Variants in WDPCP observed in about 807,000 individuals in gnomAD.
The protein encoded by WDPCP is WD repeat-containing and planar cell polarity effector protein fritz homolog.
Under a neutral mutation model 93.1 loss-of-function variants are expected in WDPCP, and 71 were observed. The observed-to-expected ratio is 0.76, with a 90% CI of 0.63 to 0.93. The LOEUF (loss-of-function observed/expected upper bound fraction) is 0.93, where lower values mean the gene tolerates loss of function less well. Among genes scored for constraint, WDPCP ranks in the 40% least tolerant of loss-of-function variants. WDPCP has a pLI of 0.00. For synonymous variants in WDPCP, 315 were observed against 315.0 expected, an observed-to-expected ratio of 1.00 and a Z score of 0.00; for missense variants, 844 against 887.4, an observed-to-expected ratio of 0.95 and a Z score of 0.62.
At chr2:63,685,720 G>C (rs1349464958) in intron 2 of WDPCP, among the ~76,000 whole-genome samples, 1 of 152,086 alleles carries the variant, frequency 6.6e-6, no homozygotes, top group Non-Finnish European at 1.5e-5. Flanking sequence ...ATACTAGCAA[G>C]CCAAATTCAA....
chr2:63,183,431 T>C (rs887947605), intron 14 of WDPCP, among the ~76,000 whole-genome samples: 3 of 152,158 alleles, frequency 2.0e-5, no homozygotes, highest in Admixed American at 6.5e-5. Flanking sequence ...TGTATTTGTA[T>C]AGTTTCAACA....
intron 2 of WDPCP, among the ~76,000 whole-genome samples, chr2:63,736,646 G>T (rs980259385): frequency 2.0e-5 from 3 of 152,166 alleles, no homozygotes; most frequent in South Asian, 2.1e-4. Context: ...GGCAGGAAAG[G>T]AGTGGCTATC....
chr2:63,246,329 G>A (rs939612275), intron 14 of WDPCP, among the ~76,000 whole-genome samples: 3 of 152,110 alleles, frequency 2.0e-5, no homozygotes, highest in African/African-American at 7.2e-5. Flanking sequence ...TGTGCTCACT[G>A]CAGGGAAGCT....
At chr2:63,249,534 A>G (rs560655693) in intron 14 of WDPCP, among the ~76,000 whole-genome samples, 1 of 152,316 alleles carries the variant, frequency 6.6e-6, no homozygotes, top group East Asian at 1.9e-4. Context: ...ATAACCCCTC[A>G]TGAGAATGCT....
At chr2:63,723,629 G>C (rs1669459330) in intron 2 of WDPCP, among the ~76,000 whole-genome samples, 1 of 152,004 alleles carries the variant, frequency 6.6e-6, no homozygotes, top group East Asian at 1.9e-4. Context: ...ATTAATGTCA[G>C]TTTGGACAGT....
At chr2:63,385,346 C>T (rs2104942905) in intron 10 of WDPCP, among the ~76,000 whole-genome samples, 1 of 152,212 alleles carries the variant, frequency 6.6e-6, no homozygotes, top group Admixed American at 6.5e-5. Context: ...TGATGTAACA[C>T]TTCTAAATCC....
intron 6 of WDPCP, among the ~76,000 whole-genome samples, chr2:63,474,889 G>A (rs1699885016): frequency 6.6e-6 from 1 of 152,142 alleles, no homozygotes; most frequent in African/African-American, 2.4e-5. Flanking sequence ...TGTCTGCACA[G>A]TAAAAAGATA....
intron 12 of WDPCP, among the ~76,000 whole-genome samples, chr2:63,374,446 A>G (rs990100813): frequency 3.9e-5 from 6 of 152,140 alleles, no homozygotes; most frequent in Non-Finnish European, 8.8e-5. Context: ...AAATCATTCT[A>G]TCTTGTTGCC....
At chr2:63,389,236 GC>G (rs1205309787) in intron 10 of WDPCP, among the ~76,000 whole-genome samples, 1 of 152,124 alleles carries the variant, frequency 6.6e-6, no homozygotes, top group African/African-American at 2.4e-5. Context: ...GAGGGTGGGG[GC>G]AAATATTCAA....
chr2:63,387,053 C>T (rs1459720709), intron 10 of WDPCP, among the ~76,000 whole-genome samples: 1 of 151,930 alleles, frequency 6.6e-6, no homozygotes, highest in Non-Finnish European at 1.5e-5. Flanking sequence ...AATTCTACCA[C>T]GTGTATAAAG....
intron 2 of WDPCP, among the ~76,000 whole-genome samples, chr2:63,796,045 C>T (rs915312028): frequency 4.6e-5 from 7 of 152,236 alleles, no homozygotes; most frequent in African/African-American, 9.6e-5. Context: ...AGCAATGAGA[C>T]GTGAGAAGGC....
At chr2:63,155,250 A>G (rs1027626426) in intron 15 of WDPCP, among the ~76,000 whole-genome samples, 2 of 152,170 alleles carry the variant, frequency 1.3e-5, no homozygotes, top group Non-Finnish European at 2.9e-5. Context: ...AAAGTTTGAT[A>G]GTTTTACATT....
intron 6 of WDPCP, among the ~76,000 whole-genome samples, chr2:63,479,750 A>C (rs1253051635): frequency 6.6e-6 from 1 of 152,160 alleles, no homozygotes; most frequent in African/African-American, 2.4e-5. Context: ...GAGAAGTGGA[A>C]CAAGACAAGG....
At chr2:63,602,332 G>A (rs9989753) in intron 3 of WDPCP, among the ~76,000 whole-genome samples, 245 of 138,844 alleles carry the variant, frequency 1.8e-3, no homozygotes, top group Middle Eastern at 7.5e-3. Context: ...TATCCTTTTC[G>A]GTTGGTTGGT....
rs112008719 is a variant in WDPCP at position 63,522,455 on chromosome 2, GACACACACACACACACACACAC to G, written c.76-29537_76-29516del. Among the ~76,000 whole-genome samples the G allele has an allele frequency of 2.4e-5, 3 of 127,294 alleles. No homozygotes were observed. The South Asian group carries it at 7.9e-4, about 34-fold the overall frequency. The allele number at this position is 127,294 out of a possible 152,430, so 83.5% of individuals were successfully genotyped here. A position where few individuals can be genotyped will look rare whatever the true frequency, so the allele number is the denominator to read the frequency against. ...GGAAATCAAGACAGACAGACAGACA[GACACACACACACACACACACAC>G]ACACACACACACACACACAAACATA... On this transcript the variant is annotated intron_variant, in intron 1 of 17. Transcript: ENST00000272321.
At chr2:63,205,497 T>C (rs575757327) in intron 14 of WDPCP, among the ~76,000 whole-genome samples, 5 of 152,324 alleles carry the variant, frequency 3.3e-5, no homozygotes, top group African/African-American at 1.2e-4. Context: ...TCTCTTCAAT[T>C]TCTTTCATCA....
chr2:63,686,722 C>T (rs1668809929), intron 2 of WDPCP, among the ~76,000 whole-genome samples: 1 of 152,100 alleles, frequency 6.6e-6, no homozygotes, highest in Non-Finnish European at 1.5e-5. Context: ...TAAAAACAAA[C>T]ACATAGACTA....
intron 2 of WDPCP, among the ~76,000 whole-genome samples, chr2:63,784,892 T>C (rs1437633509): frequency 2.6e-5 from 4 of 152,196 alleles, no homozygotes; most frequent in Non-Finnish European, 4.4e-5. Flanking sequence ...ATGCTTTAAG[T>C]TGGTTTCATC....
intron 14 of WDPCP, among the ~76,000 whole-genome samples, chr2:63,221,033 C>T (rs1677782295): frequency 6.6e-6 from 1 of 152,150 alleles, no homozygotes; most frequent in Non-Finnish European, 1.5e-5. Flanking sequence ...GGACATGATC[C>T]TATTCTTTTT....
Sources: gnomAD v4.1 joint callset for allele counts (sites outside exome capture counted in the v4.1 genomes callset) on GRCh38, gnomAD v4.1.1 for gene constraint, MANE v1.5 for transcripts, NCBI Gene and HGNC (gene_info 2026-07-23, HGNC 2026-07-21) for gene names.